MEIS2: variants seen among roughly 807,000 people sequenced by gnomAD.
The protein encoded by MEIS2 is Meis homeobox 2.
In MEIS2, 9 loss-of-function variants were observed where a neutral mutation model predicts 58.6. The ratio of observed to expected loss-of-function variants is 0.15; its 90% CI spans 0.09 to 0.27. The LOEUF is 0.27. Among genes scored for constraint, MEIS2 ranks in the 10% least tolerant of loss-of-function variants. The probability of loss-of-function intolerance (pLI) is 1.00; values close to 1 mark genes in which losing one functional copy is unlikely to be tolerated. For missense variants in MEIS2, 427 were observed against 635.0 expected (o/e 0.67, Z 3.52); for synonymous variants, 221 against 228.4 (o/e 0.97, Z 0.29).
chr15:36,944,568 T>C (rs865968679), intron 9 of MEIS2, among the ~76,000 whole-genome samples: 21 of 152,238 alleles, frequency 1.4e-4, no homozygotes, highest in Middle Eastern at 6.8e-3. Context: ...GGAAGTGATC[T>C]GAAAGAGAAG....
At chr15:37,010,727 A>T (rs1044834173) in intron 8 of MEIS2, among the ~76,000 whole-genome samples, 1 of 152,244 alleles carries the variant, frequency 6.6e-6, no homozygotes, top group South Asian at 2.1e-4. Flanking sequence ...CGTTATTCAG[A>T]TCAGCTGTTT....
chr15:37,005,214 G>A (rs548521781), intron 8 of MEIS2, among the ~76,000 whole-genome samples: 1 of 152,280 alleles, frequency 6.6e-6, no homozygotes, highest in African/African-American at 2.4e-5. Flanking sequence ...AGCCACTCCT[G>A]GTGAAAGTGA....
chr15:37,026,746 A>G (rs967000337), intron 8 of MEIS2, among the ~76,000 whole-genome samples: 1 of 152,218 alleles, frequency 6.6e-6, no homozygotes, highest in Non-Finnish European at 1.5e-5. Flanking sequence ...GAATCCCATG[A>G]CAATATCTCT....
intron 9 of MEIS2, among the ~76,000 whole-genome samples, chr15:36,916,287 C>T (rs1386830591): frequency 6.6e-6 from 1 of 151,746 alleles, no homozygotes; most frequent in East Asian, 1.9e-4. Context: ...ATTAGCTGGG[C>T]GTGGTGGCGG....
At chr15:36,919,168 G>A (rs1040417773) in intron 9 of MEIS2, among the ~76,000 whole-genome samples, 12 of 152,070 alleles carry the variant, frequency 7.9e-5, no homozygotes, top group Admixed American at 2.6e-4. Context: ...GTAACAGAGG[G>A]AGACTCTGTC....
chr15:37,038,665 T>C (rs891965593), intron 7 of MEIS2, among the ~76,000 whole-genome samples: 1 of 152,114 alleles, frequency 6.6e-6, no homozygotes, highest in Non-Finnish European at 1.5e-5. Context: ...CCTTCTGTTA[T>C]GATAAGAAAA....
intron 7 of MEIS2, 96 bp downstream of exon 7, chr15:37,083,675 T>G: frequency 2.2e-6 from 2 of 917,764 alleles, no homozygotes; most frequent in Non-Finnish European, 3.3e-6. Flanking sequence ...CCTGCCACTC[T>G]CCTGTTTACA....
At chr15:37,090,940 G>C (rs924452368) in intron 6 of MEIS2, among the ~76,000 whole-genome samples, 2 of 152,122 alleles carry the variant, frequency 1.3e-5, no homozygotes, top group Non-Finnish European at 2.9e-5. Context: ...AAAACAACGC[G>C]CTGTCTGGGC....
In MEIS2 at chr15:36,899,473, TTTTA is replaced by T. The variant is rs574752203; in HGVS notation, c.978-2791_978-2788del. 5.3e-5 allele frequency among the ~76,000 whole-genome samples: 8 copies of T among 152,316 alleles called. No homozygotes were observed. In the South Asian group the frequency reaches 1.7e-3, roughly 32 times the overall value. ...TAAAACAAATCAAACTAGAAATAATTTTTATTTATTTAATATTTGTAAGATGAAA... is the reference window on the plus strand; with the variant it reads ...TAAAACAAATCAAACTAGAAATAATTTTTATTTAATATTTGTAAGATGAAA... On this transcript the variant is annotated intron_variant, in intron 9 of 11. Coordinates refer to ENST00000561208, the MANE Select transcript of MEIS2 (RefSeq NM_170675.5).
intron 8 of MEIS2, among the ~76,000 whole-genome samples, chr15:36,987,632 A>T (rs936103740): frequency 6.6e-6 from 1 of 152,142 alleles, no homozygotes; most frequent in African/African-American, 2.4e-5. Flanking sequence ...ACTGAAAATG[A>T]GACCAACTCT....
At chr15:37,018,353 T>C (rs988657257) in intron 8 of MEIS2, among the ~76,000 whole-genome samples, 15 of 152,216 alleles carry the variant, frequency 9.9e-5, no homozygotes, top group African/African-American at 3.4e-4. Context: ...ACCTTGCGCA[T>C]GTGCTTCAGA....
intron 7 of MEIS2, among the ~76,000 whole-genome samples, chr15:37,062,766 T>C (rs1177949808): frequency 6.6e-6 from 1 of 152,224 alleles, no homozygotes; most frequent in African/African-American, 2.4e-5. Context: ...TTGAATTCTG[T>C]TATGTGCCAT....
At chr15:37,084,047 T>C (rs1466726245) in intron 6 of MEIS2, among the ~76,000 whole-genome samples, 162 bp from the exon 7 acceptor site, 1 of 152,184 alleles carries the variant, frequency 6.6e-6, no homozygotes, top group Non-Finnish European at 1.5e-5. Flanking sequence ...GTCTTTTTAG[T>C]AATAGGTATA....
chr15:36,963,296 C>T (rs906646440), intron 8 of MEIS2, among the ~76,000 whole-genome samples: 2 of 151,858 alleles, frequency 1.3e-5, no homozygotes, highest in African/African-American at 4.8e-5. Context: ...AGGAGAATCG[C>T]TTGAACCTGG....
intron 8 of MEIS2, among the ~76,000 whole-genome samples, chr15:37,021,192 C>T (rs1396410830): frequency 6.6e-6 from 1 of 152,206 alleles, no homozygotes; most frequent in African/African-American, 2.4e-5. Context: ...ATTCATTTTT[C>T]CTCCTTACCA....
intron 6 of MEIS2, among the ~76,000 whole-genome samples, chr15:37,085,233 T>C (rs1022610156): frequency 6.6e-6 from 1 of 151,976 alleles, no homozygotes; most frequent in African/African-American, 2.4e-5. Context: ...CTTACTAGAA[T>C]TGGTAAATAA....
At chr15:37,043,067 C>G (rs538437999) in intron 7 of MEIS2, among the ~76,000 whole-genome samples, 1 of 152,166 alleles carries the variant, frequency 6.6e-6, no homozygotes, top group South Asian at 2.1e-4. Flanking sequence ...AAACAAACAC[C>G]TAAAACTGAC....
At chr15:37,075,211 T>C (rs1384550938) in intron 7 of MEIS2, among the ~76,000 whole-genome samples, 1 of 152,042 alleles carries the variant, frequency 6.6e-6, no homozygotes, top group Non-Finnish European at 1.5e-5. Context: ...ATACATTTTG[T>C]ATAGATAACA....
intron 9 of MEIS2, among the ~76,000 whole-genome samples, chr15:36,949,799 G>A (rs905635495): frequency 1.3e-5 from 2 of 151,894 alleles, no homozygotes; most frequent in African/African-American, 4.8e-5. Context: ...CAGCACGGGA[G>A]TAATCTACCA....
Sources: gnomAD v4.1 joint callset for allele counts (sites outside exome capture counted in the v4.1 genomes callset) on GRCh38, gnomAD v4.1.1 for gene constraint, MANE v1.5 for transcripts, NCBI Gene and HGNC (gene_info 2026-07-23, HGNC 2026-07-21) for gene names.